Variants in GLIS3 observed in about 807,000 individuals in gnomAD.
The protein encoded by GLIS3 is zinc finger protein GLIS3.
Under a neutral mutation model 78.6 loss-of-function variants are expected in GLIS3, and 53 were observed. The ratio of observed to expected loss-of-function variants is 0.67; its 90% CI spans 0.54 to 0.85. The LOEUF (loss-of-function observed/expected upper bound fraction) is 0.85, where lower values mean the gene tolerates loss of function less well. GLIS3 is among the 40% of genes least tolerant of loss of function. The pLI, the probability that GLIS3 is intolerant of heterozygous loss-of-function variation, is 0.00. For synonymous variants in GLIS3, 684 were observed against 509.9 expected, an observed-to-expected ratio of 1.34 and a Z score of -4.60; for missense variants, 1,703 against 1,231.1, an observed-to-expected ratio of 1.38 and a Z score of -5.74.
At chr9:4,036,711 C>A (rs1039232973) in intron 4 of GLIS3, among the ~76,000 whole-genome samples, 3 of 152,136 alleles carry the variant, frequency 2.0e-5, no homozygotes, top group African/African-American at 7.2e-5. Flanking sequence ...AACTTTGACT[C>A]CCAAATTAAT....
intron 4 of GLIS3, among the ~76,000 whole-genome samples, chr9:4,037,616 G>A (rs934468384): frequency 5.4e-5 from 8 of 149,402 alleles, no homozygotes; most frequent in African/African-American, 2.0e-4. Flanking sequence ...ACTTTCACAG[G>A]CTCAGGCATT....
chr9:4,012,452 C>CA (rs941866411), intron 4 of GLIS3, among the ~76,000 whole-genome samples: 13 of 151,538 alleles, frequency 8.6e-5, no homozygotes, highest in Non-Finnish European at 1.0e-4. Context: ...CCCACACACA[C>CA]AAAAAAAACA....
intron 9 of GLIS3, among the ~76,000 whole-genome samples, chr9:3,842,060 C>T (rs145119043): frequency 3.9e-5 from 6 of 152,266 alleles, no homozygotes; most frequent in Admixed American, 1.3e-4. Flanking sequence ...AAGAAAGATC[C>T]GGCAGAGAAG....
chr9:4,300,856 A>C (rs942956011), upstream of GLIS3, among the ~76,000 whole-genome samples: 1 of 152,038 alleles, frequency 6.6e-6, no homozygotes, highest in Non-Finnish European at 1.5e-5. Context: ...TATGTAATGC[A>C]CACAATATCC....
intron 2 of GLIS3, among the ~76,000 whole-genome samples, chr9:4,176,749 G>C (rs531699627): frequency 1.3e-5 from 2 of 152,122 alleles, no homozygotes; most frequent in South Asian, 4.1e-4. Flanking sequence ...TCAACCTCCT[G>C]AGTAGCTGGG....
At chr9:4,383,910 G>A in the GLIS3 span, among the ~76,000 whole-genome samples, 1 of 152,202 alleles carries the variant, frequency 6.6e-6, no homozygotes, top group Non-Finnish European at 1.5e-5. Context: ...GCCTTTGTTA[G>A]CTAGGTGGTC....
chr9:4,145,484 G>T (rs1054809799), intron 2 of GLIS3, among the ~76,000 whole-genome samples: 1 of 152,054 alleles, frequency 6.6e-6, no homozygotes, highest in African/African-American at 2.4e-5. Flanking sequence ...GGAACAACAT[G>T]ATCTAAAACC....
At chr9:3,944,280 A>C (rs1816140657) in intron 4 of GLIS3, among the ~76,000 whole-genome samples, 1 of 152,236 alleles carries the variant, frequency 6.6e-6, no homozygotes, top group Admixed American at 6.5e-5. Context: ...ATTTTTATGG[A>C]AATTATCAAG....
chr9:4,292,066 A>C (rs976308183), intron 1 of GLIS3, among the ~76,000 whole-genome samples: 2 of 152,180 alleles, frequency 1.3e-5, no homozygotes, highest in Admixed American at 6.5e-5. Flanking sequence ...GGAACCAAAA[A>C]GATTTTTAAG....
intron 2 of GLIS3, among the ~76,000 whole-genome samples, chr9:4,261,764 A>G (rs1452407554): frequency 6.6e-6 from 1 of 152,206 alleles, no homozygotes; most frequent in Non-Finnish European, 1.5e-5. Context: ...GAGTCTTTAA[A>G]GCAAGCGGCA....
At chr9:4,478,178 G>A in the GLIS3 span, among the ~76,000 whole-genome samples, 1 of 152,116 alleles carries the variant, frequency 6.6e-6, no homozygotes, top group Non-Finnish European at 1.5e-5. Context: ...TAAAAAACAC[G>A]GATGCCAGAA....
the GLIS3 span, among the ~76,000 whole-genome samples, chr9:4,359,623 C>T: frequency 1.3e-5 from 2 of 152,078 alleles, no homozygotes; most frequent in Non-Finnish European, 2.9e-5. Context: ...GTATACAGTA[C>T]CCGTGAGATC....
At chr9:4,364,756 C>CTTTTTTTTTTTTTTTTT in the GLIS3 span, among the ~76,000 whole-genome samples, 16 of 61,098 alleles carry the variant, frequency 2.6e-4, 3 homozygotes, top group Non-Finnish European at 2.9e-4. Flanking sequence ...TCATGTATTG[C>CTTTTTTTTTTTTTTTTT]TTTTTTTTTT....
At chr9:4,355,129 C>G in the GLIS3 span, among the ~76,000 whole-genome samples, 2 of 109,598 alleles carry the variant, frequency 1.8e-5, no homozygotes, top group African/African-American at 2.9e-5. Context: ...GAGACTCCAT[C>G]TCGAAAAAAA....
intron 6 of GLIS3, among the ~76,000 whole-genome samples, chr9:3,913,595 A>G (rs1346409852): frequency 6.6e-6 from 1 of 152,182 alleles, no homozygotes; most frequent in African/African-American, 2.4e-5. Flanking sequence ...GACTCTACGT[A>G]TCTACAATAA....
rs1433025949 is a variant in GLIS3, at chr9:3,856,188, A to G, written c.2298-4T>C. On this transcript the variant is annotated splice_polypyrimidine_tract_variant and splice_region_variant and intron_variant, in intron 8 of 10. Transcript: ENST00000381971. ...AGATGGAGCAGAAGGTGCAAACCTG[A>G]GAAAACAATTATAAAAGGAAACATG... 1 of 1,612,996 alleles carries G rather than the reference A, an allele frequency of 6.2e-7. No individual in the cohort carries two copies. Among genetic ancestry groups the G allele is most frequent in the East Asian group, 2.2e-5 (1 of 44,824 alleles).
the GLIS3 span, among the ~76,000 whole-genome samples, chr9:4,473,273 T>A: frequency 2.0e-5 from 3 of 151,880 alleles, no homozygotes; most frequent in Admixed American, 2.0e-4. Flanking sequence ...TGGTGAAACC[T>A]TGTCTCTACT....
intron 2 of GLIS3, among the ~76,000 whole-genome samples, chr9:4,323,707 T>A (rs1195544357): frequency 6.6e-6 from 1 of 152,202 alleles, no homozygotes; most frequent in Non-Finnish European, 1.5e-5. Flanking sequence ...CAGCCTCACA[T>A]CTGCATGATT....
intron 4 of GLIS3, among the ~76,000 whole-genome samples, chr9:3,956,793 G>A (rs1368217254): frequency 6.6e-6 from 1 of 152,144 alleles, no homozygotes; most frequent in East Asian, 1.9e-4. Flanking sequence ...AGGCTGTAAT[G>A]ACTTTGGATG....
Sources: gnomAD v4.1 joint callset for allele counts (sites outside exome capture counted in the v4.1 genomes callset) on GRCh38, gnomAD v4.1.1 for gene constraint, MANE v1.5 for transcripts, NCBI Gene and HGNC (gene_info 2026-07-23, HGNC 2026-07-21) for gene names.